Variants in TBL1XR1 observed in about 807,000 individuals in gnomAD.
TBL1XR1 encodes the protein TBL1X/Y related 1.
In TBL1XR1, 5 loss-of-function variants were observed where a neutral mutation model predicts 66.9. That is an observed-to-expected ratio of 0.07 (90% CI 0.04 to 0.16). The LOEUF (loss-of-function observed/expected upper bound fraction) is 0.16, where lower values mean the gene tolerates loss of function less well. TBL1XR1 is among the 10% of genes least tolerant of loss of function. TBL1XR1 has a pLI of 1.00. For missense variants in TBL1XR1, 238 were observed against 623.2 expected (o/e 0.38, Z 6.58); for synonymous variants, 210 against 206.0 (o/e 1.02, Z -0.17).
intron 10 of TBL1XR1, chr3:177,045,006 A>C (rs1025706620): frequency 5.3e-5 from 8 of 152,160 alleles, no homozygotes; most frequent in African/African-American, 1.9e-4. Context: ...TGTATGTGTA[A>C]ATGCTTATTA....
At chr3:177,125,024 T>A (rs759385443) in intron 1 of TBL1XR1, among the ~76,000 whole-genome samples, 2 of 152,004 alleles carry the variant, frequency 1.3e-5, no homozygotes, top group Non-Finnish European at 2.9e-5. Context: ...AATGGTTTCA[T>A]AGATATGCCA....
At chr3:177,060,581 A>G (rs1018164100) in intron 3 of TBL1XR1, among the ~76,000 whole-genome samples, 1 of 152,244 alleles carries the variant, frequency 6.6e-6, no homozygotes, top group Non-Finnish European at 1.5e-5. Flanking sequence ...ACATCTTCTT[A>G]TAGAAAACAG....
intron 2 of TBL1XR1, among the ~76,000 whole-genome samples, chr3:177,082,115 A>G (rs1298028639): frequency 6.6e-6 from 1 of 152,200 alleles, no homozygotes; most frequent in Non-Finnish European, 1.5e-5. Context: ...TTTTTTAGGT[A>G]TCAGTAATAT....
At chr3:177,087,901 C>A (rs920836686) in intron 2 of TBL1XR1, among the ~76,000 whole-genome samples, 5 of 152,016 alleles carry the variant, frequency 3.3e-5, no homozygotes, top group African/African-American at 1.2e-4. Context: ...TAATATAGTA[C>A]ACCCAAAGAA....
intron 1 of TBL1XR1, among the ~76,000 whole-genome samples, chr3:177,147,184 C>A (rs1380585250): frequency 6.6e-6 from 1 of 151,902 alleles, no homozygotes; most frequent in Non-Finnish European, 1.5e-5. Flanking sequence ...GTAGCTGGGA[C>A]TACAGGCACG....
chr3:177,144,465 AT>A (rs1730002715), intron 1 of TBL1XR1, among the ~76,000 whole-genome samples: 2 of 152,108 alleles, frequency 1.3e-5, no homozygotes, highest in Non-Finnish European at 2.9e-5. Context: ...GAAAGCAGCC[AT>A]AACCTGGCCG....
At position 177,025,148 on chromosome 3, in the gene TBL1XR1, G is replaced by GA. The variant is rs1196113037; in HGVS notation, c.*349dup. ...ATGGTGTCTGCTGATTCAAAGGGGA[G>GA]AAACAAGGCTGTCATTTAGTATCCA... On this transcript the variant is annotated 3_prime_UTR_variant, in exon 16 of 16. Coordinates refer to ENST00000457928, the MANE Select transcript of TBL1XR1 (RefSeq NM_024665.7). 17 of 238,684 alleles carry GA rather than the reference G, an allele frequency of 7.1e-5. No individual in the cohort carries two copies. The highest frequency in any genetic ancestry group is 3.8e-4 in the African/African-American group (17 of 44,494). 14.8% of individuals were successfully genotyped at this position (238,684 alleles called of 1,614,324 possible).
chr3:177,177,226 C>A (rs967558311), intron 1 of TBL1XR1, among the ~76,000 whole-genome samples: 3 of 152,030 alleles, frequency 2.0e-5, no homozygotes, highest in Non-Finnish European at 4.4e-5. Flanking sequence ...CCAAAGCAGG[C>A]GGATCACGAG....
rs554757685 is a variant in TBL1XR1, at chr3:177,050,305, G to A, written c.561-167C>T. Among the ~76,000 whole-genome samples, 23 of 152,132 alleles carry A rather than the reference G, an allele frequency of 1.5e-4. No homozygotes were observed. In the South Asian group the frequency reaches 3.3e-3, roughly 22 times the overall value. On this transcript the variant is annotated intron_variant, in intron 6 of 15. Coordinates refer to ENST00000457928, the MANE Select transcript of TBL1XR1 (RefSeq NM_024665.7). ...CACGTTGGGACCCCCAAGCATTCTC[G>A]AAATAGTAAGTTTAATTAAAAATTC... is the stretch of plus-strand genomic sequence containing the variant.
chr3:177,152,594 C>T (rs1731030899), intron 1 of TBL1XR1, among the ~76,000 whole-genome samples: 1 of 152,132 alleles, frequency 6.6e-6, no homozygotes, highest in Non-Finnish European at 1.5e-5. Context: ...CCCGGCCGCC[C>T]TACCCTTTTT....
At chr3:177,087,069 G>A (rs1381402692) in intron 2 of TBL1XR1, 2 of 144,024 alleles carry the variant, frequency 1.4e-5, no homozygotes, top group East Asian at 4.1e-4. Flanking sequence ...TAGAAGAGGT[G>A]GAAGGACAGA....
chr3:177,098,194 A>G (rs1424149074), intron 2 of TBL1XR1, among the ~76,000 whole-genome samples: 1 of 150,580 alleles, frequency 6.6e-6, no homozygotes, highest in African/African-American at 2.5e-5. Flanking sequence ...CCTGGCCAAC[A>G]AGAACGAAAC....
At chr3:177,171,627 C>T (rs1010423605) in intron 1 of TBL1XR1, among the ~76,000 whole-genome samples, 3 of 134,314 alleles carry the variant, frequency 2.2e-5, no homozygotes, top group African/African-American at 5.6e-5. Flanking sequence ...GGTGTGAACC[C>T]GGGAGGCGGA....
chr3:177,090,227 G>C (rs1420672738), intron 2 of TBL1XR1, among the ~76,000 whole-genome samples: 26 of 152,086 alleles, frequency 1.7e-4, no homozygotes, highest in Admixed American at 1.7e-3. Flanking sequence ...ATTTGAGCAA[G>C]ATAAACCAAA....
At chr3:177,114,330 G>C (rs76950868) in intron 1 of TBL1XR1, among the ~76,000 whole-genome samples, 5,600 of 151,352 alleles carry the variant, frequency 0.037, 152 homozygotes, top group Middle Eastern at 0.079. Flanking sequence ...ATATGATAGG[G>C]TCTTGCTTTG....
rs545794720 is a variant in TBL1XR1 at position 177,020,531 on chromosome 3, A to C, written c.*4967T>G. On this transcript the variant is annotated 3_prime_UTR_variant, in exon 16 of 16. Coordinates refer to ENST00000457928, the MANE Select transcript of TBL1XR1 (RefSeq NM_024665.7). ...GGTTTGGGTTCTGATGGCAGTTATT[A>C]ATCAGTAACACCAGTATGGGAGAGA... 1 of 152,158 alleles carries C rather than the reference A, an allele frequency of 6.6e-6. No homozygotes were observed. Among genetic ancestry groups the C allele is most frequent in the African/African-American group, 2.4e-5 (1 of 41,450 alleles). The allele number at this position is 152,158 out of a possible 1,614,324, so 9.4% of individuals were successfully genotyped here.
chr3:177,157,739 C>T (rs912276510), intron 1 of TBL1XR1, among the ~76,000 whole-genome samples: 1 of 152,176 alleles, frequency 6.6e-6, no homozygotes, highest in African/African-American at 2.4e-5. Flanking sequence ...GCAAAACTAA[C>T]CTGCAGTGTT....
rs73039620 is a variant in TBL1XR1 at position 177,051,306 on chromosome 3, T to A, written c.427+198A>T. Among the ~76,000 whole-genome samples, 14,376 of 150,584 alleles carry A rather than the reference T, an allele frequency of 0.095. 763 individuals are homozygous for A. Among genetic ancestry groups the A allele is most frequent in the Admixed American group, 0.15 (2,298 of 15,152 alleles). On this transcript the variant is annotated intron_variant, in intron 5 of 15. Transcript: ENST00000457928. The stretch of plus-strand genomic sequence containing the variant: ...TGGGACCTTCCTGGGGGGTGGAGGG[T>A]GGGAGGAAGAGGAGGATCAGAAAAA...
At chr3:177,085,380 G>A (rs1254774805) in intron 2 of TBL1XR1, among the ~76,000 whole-genome samples, 2 of 152,062 alleles carry the variant, frequency 1.3e-5, no homozygotes, top group Non-Finnish European at 2.9e-5. Context: ...ACAGAACTTG[G>A]GAGTCTGAGC....
Sources: gnomAD v4.1 joint callset for allele counts (sites outside exome capture counted in the v4.1 genomes callset) on GRCh38, gnomAD v4.1.1 for gene constraint, MANE v1.5 for transcripts, NCBI Gene and HGNC (gene_info 2026-07-23, HGNC 2026-07-21) for gene names.